The following GSE1 variants were observed in gnomAD, a reference collection of about 807,000 sequenced individuals.
GSE1 encodes the protein Gse1 coiled-coil protein.
A neutral mutation model predicts 112.6 loss-of-function variants in GSE1; 32 were observed. The ratio of observed to expected loss-of-function variants is 0.28; its 90% CI spans 0.21 to 0.38. GSE1 has a LOEUF of 0.38. Among genes scored for constraint, GSE1 ranks in the 10% least tolerant of loss-of-function variants. GSE1 has a pLI of 1.00. For synonymous variants in GSE1, 1,115 were observed against 735.6 expected, an observed-to-expected ratio of 1.52 and a Z score of -8.35; for missense variants, 2,348 against 1,699.2, an observed-to-expected ratio of 1.38 and a Z score of -6.71.
intron 1 of GSE1, among the ~76,000 whole-genome samples, chr16:85,325,175 C>G (rs2046199866): frequency 6.6e-6 from 1 of 152,058 alleles, no homozygotes; most frequent in African/African-American, 2.4e-5. Context: ...TCACTGTGTT[C>G]CCAGGCTGGT....
intron 2 of GSE1, among the ~76,000 whole-genome samples, chr16:85,384,856 C>T (rs1014710484): frequency 2.6e-5 from 4 of 152,170 alleles, no homozygotes; most frequent in Admixed American, 6.5e-5. Flanking sequence ...CAGGCCTGTC[C>T]GAGTCTTGCT....
intron 1 of GSE1, among the ~76,000 whole-genome samples, chr16:85,616,488 G>T (rs548048766): frequency 3.3e-5 from 5 of 152,184 alleles, no homozygotes; most frequent in Admixed American, 3.3e-4. Flanking sequence ...CCCTGGGATC[G>T]GGCCAGGGTT....
chr16:85,270,774 G>C (rs1908751596), intron 1 of GSE1, among the ~76,000 whole-genome samples: 1 of 125,972 alleles, frequency 7.9e-6, no homozygotes, highest in African/African-American at 2.5e-5. Flanking sequence ...GGTGGGAGAG[G>C]TTCCTTATGA....
rs1389938479 is a variant in GSE1 at position 85,672,425 on chromosome 16, G to A, written c.3540G>A (p.Gln1180=). The change falls in exon 16 of 16, where the codon CAG becomes CAA. Residue 1180 remains glutamine (Q), a synonymous_variant. Coordinates refer to ENST00000253458, the MANE Select transcript of GSE1 (RefSeq NM_014615.5). ...TCCAGGAGTTGAGGAGCCAGAAACA[G>A]AAGATGGTCTCAGAAAGGGAGCGGC... is the stretch of plus-strand genomic sequence containing the variant. ...HSVAELRSQK[Q]KMVSERERLQ... 11 of 1,612,272 alleles carry A rather than the reference G, an allele frequency of 6.8e-6. No homozygotes were observed. Among genetic ancestry groups the A allele is most frequent in the South Asian group, 3.3e-5 (3 of 90,892 alleles).
At chr16:85,471,552 T>C (rs1009801056) in intron 2 of GSE1, among the ~76,000 whole-genome samples, 1 of 152,042 alleles carries the variant, frequency 6.6e-6, no homozygotes, top group African/African-American at 2.4e-5. Context: ...TAGCTGGGAC[T>C]ACAGGCACAC....
rs1398093699 is a variant in GSE1, at chr16:85,619,506, G to A, written c.7+6108G>A. ...CTGGGTTGGGGGGCAAAGCCCGGGGGTGCCAAGCGATGCCCCACAGCCCCA... is the reference window on the plus strand; with the variant it reads ...CTGGGTTGGGGGGCAAAGCCCGGGGATGCCAAGCGATGCCCCACAGCCCCA... On this transcript the variant is annotated intron_variant, in intron 1 of 15. Coordinates refer to ENST00000253458, the MANE Select transcript of GSE1 (RefSeq NM_014615.5). Among the ~76,000 whole-genome samples the A allele has an allele frequency of 2.0e-5, 3 of 152,326 alleles. No individual in the cohort carries two copies. In the East Asian group the frequency reaches 5.8e-4, roughly 29 times the overall value.
chr16:85,393,129 C>T (rs917459622), intron 2 of GSE1, among the ~76,000 whole-genome samples: 3 of 152,194 alleles, frequency 2.0e-5, no homozygotes, highest in African/African-American at 7.2e-5. Context: ...CTGCGCTGGG[C>T]ACGGTGGTGC....
At chr16:85,594,177 G>C (rs943507047) in intron 1 of GSE1, 3 of 149,086 alleles carry the variant, frequency 2.0e-5, no homozygotes, top group Non-Finnish European at 3.0e-5. Flanking sequence ...CGGTGGCCCC[G>C]ATGGGCCAGG....
At chr16:85,616,011 TG>T (rs1401344870) in intron 1 of GSE1, among the ~76,000 whole-genome samples, 2 of 152,200 alleles carry the variant, frequency 1.3e-5, no homozygotes, top group Non-Finnish European at 2.9e-5. Flanking sequence ...TCCCTGTCTC[TG>T]GGGGAAGTTC....
intron 1 of GSE1, among the ~76,000 whole-genome samples, chr16:85,275,388 G>C (rs1262409765): frequency 6.6e-6 from 1 of 152,218 alleles, no homozygotes. Flanking sequence ...TGTCGGGAGA[G>C]CATGAGCCAG....
chr16:85,495,668 A>C (rs1267212733), intron 2 of GSE1, among the ~76,000 whole-genome samples: 1 of 151,908 alleles, frequency 6.6e-6, no homozygotes, highest in Non-Finnish European at 1.5e-5. Context: ...TTTTTTAAAA[A>C]AAATTTTTAG....
intron 2 of GSE1, among the ~76,000 whole-genome samples, chr16:85,487,987 AGCAGT>A (rs2050895729): frequency 6.6e-6 from 1 of 152,170 alleles, no homozygotes; most frequent in African/African-American, 2.4e-5. Context: ...GGCTCTGCAG[AGCAGT>A]GGTAGCCCCA....
chr16:85,651,040 C>T (rs1205021893), intron 3 of GSE1, among the ~76,000 whole-genome samples: 1 of 123,180 alleles, frequency 8.1e-6, no homozygotes, highest in Non-Finnish European at 1.8e-5. Flanking sequence ...CTCCCCCTCC[C>T]CCTCCGCCCC....
intron 2 of GSE1, among the ~76,000 whole-genome samples, chr16:85,465,271 A>G (rs908200938): frequency 1.6e-4 from 24 of 152,136 alleles, no homozygotes; most frequent in Admixed American, 1.0e-3. Flanking sequence ...TCTCCTGCCA[A>G]CCGAATCTCA....
At chr16:85,438,442 G>A (rs1343328697) in intron 2 of GSE1, among the ~76,000 whole-genome samples, 1 of 152,216 alleles carries the variant, frequency 6.6e-6, no homozygotes, top group Admixed American at 6.5e-5. Context: ...GGCAACATCA[G>A]CTGCCGCCTG....
At chr16:85,553,680 C>A (rs1372533242), upstream of GSE1, among the ~76,000 whole-genome samples, 1 of 152,144 alleles carries the variant, frequency 6.6e-6, no homozygotes, top group Non-Finnish European at 1.5e-5. Flanking sequence ...CCACCCCTCC[C>A]TTGGCTCCGA....
chr16:85,450,501 G>T (rs912852748), intron 2 of GSE1, among the ~76,000 whole-genome samples: 1 of 151,574 alleles, frequency 6.6e-6, no homozygotes, highest in East Asian at 2.0e-4. Context: ...TCAGGCTGGA[G>T]TGCAGTGGCC....
At chr16:85,604,074 A>T (rs1473417022) in intron 1 of GSE1, among the ~76,000 whole-genome samples, 1 of 152,144 alleles carries the variant, frequency 6.6e-6, no homozygotes, top group African/African-American at 2.4e-5. Context: ...AGGGAAGGCA[A>T]AGAGGGAGCC....
intron 1 of GSE1, among the ~76,000 whole-genome samples, chr16:85,187,375 G>T (rs2074726608): frequency 6.6e-6 from 1 of 152,250 alleles, no homozygotes. Flanking sequence ...GCTGCGCCAA[G>T]GCCCTGGGGA....
Sources: allele counts gnomAD v4.1 joint callset (sites outside exome capture counted in the v4.1 genomes callset), GRCh38; gene constraint gnomAD v4.1.1; transcripts MANE v1.5; gene names NCBI Gene and HGNC (gene_info 2026-07-23, HGNC 2026-07-21).